Variants in CAMK2D observed in about 807,000 individuals in gnomAD.
CAMK2D encodes the protein calcium/calmodulin-dependent protein kinase type II subunit delta.
A neutral mutation model predicts 84.0 loss-of-function variants in CAMK2D; 37 were observed. The ratio of observed to expected loss-of-function variants is 0.44; its 90% CI spans 0.34 to 0.58. CAMK2D has a LOEUF of 0.58. CAMK2D is among the 20% of genes least tolerant of loss of function. The pLI, the probability that CAMK2D is intolerant of heterozygous loss-of-function variation, is 0.02. For synonymous variants in CAMK2D, 202 were observed against 212.5 expected (o/e 0.95, Z 0.43); for missense variants, 448 against 652.5 (o/e 0.69, Z 3.41).
rs200356779 is a variant in CAMK2D, at chr4:113,746,089, T to C, written c.160+13231A>G. ...GTTACAATAATTTTCCAAAGACTCA[T>C]TTCTCATGCCCTTTGCCTCTTTTAT... is the stretch of plus-strand genomic sequence containing the variant. On this transcript the variant is annotated intron_variant, in intron 2 of 20. Transcript: ENST00000511664. 3.3e-5 allele frequency among the ~76,000 whole-genome samples: 5 copies of C among 152,220 alleles called. No homozygotes were observed. In the East Asian group the frequency reaches 7.7e-4, roughly 23 times the overall value.
At chr4:113,592,008 A>G (rs2098889559) in intron 4 of CAMK2D, among the ~76,000 whole-genome samples, 1 of 152,174 alleles carries the variant, frequency 6.6e-6, no homozygotes, top group African/African-American at 2.4e-5. Context: ...TCTAGTACTT[A>G]GCAAAGTTCT....
At chr4:113,472,346 T>G (rs1246172687) in intron 16 of CAMK2D, among the ~76,000 whole-genome samples, 1 of 152,204 alleles carries the variant, frequency 6.6e-6, no homozygotes, top group Non-Finnish European at 1.5e-5. Flanking sequence ...AGTTTGGATG[T>G]GGCGGTGCTG....
At chr4:113,511,250 G>A (rs114352250) in intron 12 of CAMK2D, among the ~76,000 whole-genome samples, 43 of 152,264 alleles carry the variant, frequency 2.8e-4, no homozygotes, top group Non-Finnish European at 5.4e-4. Context: ...GCAGTATCAA[G>A]TACAAGATGT....
intron 14 of CAMK2D, chr4:113,503,378 A>T (rs1231393072): frequency 2.1e-6 from 1 of 479,476 alleles, no homozygotes; most frequent in East Asian, 5.4e-5. Context: ...ATGATTTCAA[A>T]TTCTCAGAGA....
intron 9 of CAMK2D, 38 bp from the exon 10 acceptor site, chr4:113,515,229 G>C (rs369884636): frequency 1.7e-5 from 25 of 1,463,936 alleles, no homozygotes; most frequent in Non-Finnish European, 2.2e-5. Flanking sequence ...TTAAAAAATA[G>C]ACACACTCGA....
At chr4:113,726,868 G>T (rs77568718) in intron 2 of CAMK2D, among the ~76,000 whole-genome samples, 1 of 151,840 alleles carries the variant, frequency 6.6e-6, no homozygotes, top group African/African-American at 2.4e-5. Context: ...AATTTTTTTT[G>T]AAACCCGATA....
chr4:113,595,997 G>A (rs1312770574), intron 4 of CAMK2D, among the ~76,000 whole-genome samples: 2 of 152,188 alleles, frequency 1.3e-5, no homozygotes, highest in Non-Finnish European at 2.9e-5. Flanking sequence ...TTTACCCATA[G>A]GAGAACTTCT....
At chr4:113,499,495 T>A (rs1590217505) in intron 16 of CAMK2D, among the ~76,000 whole-genome samples, 1 of 152,326 alleles carries the variant, frequency 6.6e-6, no homozygotes, top group East Asian at 1.9e-4. Context: ...ACCTGAGAAT[T>A]TCCAAATCCT....
chr4:113,546,628 G>A (rs1210763434), intron 6 of CAMK2D, among the ~76,000 whole-genome samples: 1 of 152,060 alleles, frequency 6.6e-6, no homozygotes, highest in Non-Finnish European at 1.5e-5. Context: ...ATAAGTCTAG[G>A]TCCTCTCACT....
Position 113,500,444 on chromosome 4 carries a change from A to G in CAMK2D, c.1135+19T>C. On this transcript the variant is annotated intron_variant, in intron 16 of 20. Transcript: ENST00000511664. ...GTGAAGCTCTGAGGTAGGATTTTCC[A>G]TTTCTGGTTAAATCATACCTTTCAC... The G allele has an allele frequency of 6.6e-7, 1 of 1,526,400 alleles. No individual in the cohort carries two copies. The highest frequency in any genetic ancestry group is 9.0e-7 in the Non-Finnish European group (1 of 1,109,454). The allele number at this position is 1,526,400 out of a possible 1,614,324, so 94.6% of individuals were successfully genotyped here. A position where few individuals can be genotyped will look rare whatever the true frequency, so the allele number is the denominator to read the frequency against.
At position 113,761,409 on chromosome 4, in the gene CAMK2D, GA is replaced by G; in HGVS notation, c.-342del. On this transcript the variant is annotated 5_prime_UTR_variant, in exon 1 of 21. Transcript: ENST00000511664. ...CTCAAGAAGAGGGGGCCGGGAAATG[GA>G]AAAACAGCCAGGCACGGGACGAGTG... 1 of 1,235,528 alleles carries G rather than the reference GA, an allele frequency of 8.1e-7. No individual in the cohort carries two copies. The allele number at this position is 1,235,528 out of a possible 1,614,324, so 76.5% of individuals were successfully genotyped here. A position where few individuals can be genotyped will look rare whatever the true frequency, so the allele number is the denominator to read the frequency against.
intron 2 of CAMK2D, among the ~76,000 whole-genome samples, chr4:113,680,883 G>C (rs145519631): frequency 1.0e-3 from 153 of 152,292 alleles, no homozygotes; most frequent in Admixed American, 2.0e-3. Context: ...GCAGCACTGG[G>C]AACTTGGCTA....
At chr4:113,622,495 T>C (rs1280260764) in intron 3 of CAMK2D, among the ~76,000 whole-genome samples, 1 of 152,152 alleles carries the variant, frequency 6.6e-6, no homozygotes, top group African/African-American at 2.4e-5. Context: ...CTGGGCACAG[T>C]GGCTTATGCC....
intron 18 of CAMK2D, 105 bp downstream of exon 18, chr4:113,460,042 G>T: frequency 1.4e-6 from 1 of 723,270 alleles, no homozygotes; most frequent in Non-Finnish European, 2.5e-6. Flanking sequence ...AATGCTGGAT[G>T]AAGGTAAAAA....
chr4:113,586,880 T>C (rs969175827), intron 4 of CAMK2D, among the ~76,000 whole-genome samples: 3 of 152,150 alleles, frequency 2.0e-5, no homozygotes, highest in Admixed American at 1.3e-4. Flanking sequence ...AACAGGGTCA[T>C]GGAACAAGGA....
chr4:113,470,490 T>C (rs572058692), intron 16 of CAMK2D, among the ~76,000 whole-genome samples: 1 of 152,094 alleles, frequency 6.6e-6, no homozygotes, highest in South Asian at 2.1e-4. Flanking sequence ...GTACAAACCT[T>C]AGCTAGGTGT....
intron 2 of CAMK2D, among the ~76,000 whole-genome samples, chr4:113,744,242 T>C (rs1360551455): frequency 6.6e-6 from 1 of 152,208 alleles, no homozygotes; most frequent in Non-Finnish European, 1.5e-5. Flanking sequence ...ATTAAATACC[T>C]ATTTTATTTT....
chr4:113,719,018 T>C (rs565384311), intron 2 of CAMK2D, among the ~76,000 whole-genome samples: 13 of 152,256 alleles, frequency 8.5e-5, no homozygotes, highest in African/African-American at 3.1e-4. Context: ...TATGCTAACA[T>C]CTATGCTCAA....
chr4:113,453,182 C>G lies in CAMK2D; in HGVS notation c.*1363G>C, dbSNP rs974757601. On this transcript the variant is annotated 3_prime_UTR_variant, in exon 21 of 21. Transcript: ENST00000511664. ...CCTTTTTGTTTTAAACTGGGAAATT[C>G]TAACTCCTTGGAGGAAGACAATGAT... 9 of 152,078 alleles carry G rather than the reference C, an allele frequency of 5.9e-5. No homozygotes were observed. The highest frequency in any genetic ancestry group is 2.2e-4 in the African/African-American group (9 of 41,414). The allele number at this position is 152,078 out of a possible 1,614,324, so 9.4% of individuals were successfully genotyped here. A position where few individuals can be genotyped will look rare whatever the true frequency, so the allele number is the denominator to read the frequency against.
Sources: allele counts gnomAD v4.1 joint callset (sites outside exome capture counted in the v4.1 genomes callset), GRCh38; gene constraint gnomAD v4.1.1; transcripts MANE v1.5; gene names NCBI Gene and HGNC (gene_info 2026-07-23, HGNC 2026-07-21).